Variants in CYP2B6 observed in about 807,000 individuals in gnomAD.
The protein encoded by CYP2B6 is cytochrome P450 2B6.
A neutral mutation model predicts 43.4 loss-of-function variants in CYP2B6; 35 were observed. That is an observed-to-expected ratio of 0.81 (90% CI 0.62 to 1.07). The LOEUF is 1.07. Among genes scored for constraint, CYP2B6 ranks in the 50% least tolerant of loss-of-function variants. The pLI is 0.00. For missense variants in CYP2B6, 624 were observed against 632.8 expected, an observed-to-expected ratio of 0.99 and a Z score of 0.15; for synonymous variants, 239 against 239.2, an observed-to-expected ratio of 1.00 and a Z score of 0.01.
At chr19:41,013,543 G>A (rs762800444) in intron 8 of CYP2B6, among the ~76,000 whole-genome samples, 2 of 152,172 alleles carry the variant, frequency 1.3e-5, no homozygotes, top group Non-Finnish European at 2.9e-5. Flanking sequence ...TGGCACCATT[G>A]AGAACCTATA....
Position 41,010,145 on chromosome 19 carries a change from G to C in CYP2B6, c.964+10G>C. 2 of 1,612,464 alleles carry C rather than the reference G, an allele frequency of 1.2e-6. No individual in the cohort carries two copies. Among genetic ancestry groups the C allele is most frequent in the Non-Finnish European group, 1.7e-6 (2 of 1,179,960 alleles). ...TACCCTCATGTTGCAGGTGGGCCAG[G>C]GACAGCCAGTCAAGGGGGTCTTCTG... is the stretch of plus-strand genomic sequence containing the variant. On this transcript the variant is annotated intron_variant, in intron 6 of 8. Transcript: ENST00000324071.
Position 41,015,124 on chromosome 19 carries a change from A to G in CYP2B6, c.1295-1522A>G, listed in dbSNP as rs143116023. ...GAAAAGCTGTGTCTGACAGGTATAG[A>G]CAGAGAAAAAGACAGGAGTAGGGCT... On this transcript the variant is annotated intron_variant, in intron 8 of 8. Transcript: ENST00000324071. 2.7e-3 allele frequency among the ~76,000 whole-genome samples: 404 copies of G among 152,322 alleles called. 3 individuals are homozygous for G. Among genetic ancestry groups the G allele is most frequent in the African/African-American group, 8.9e-3 (372 of 41,572 alleles).
At chr19:41,003,881 C>A (rs1568559759) in intron 1 of CYP2B6, 120 bp from the exon 2 acceptor site, 1 of 1,379,186 alleles carries the variant, frequency 7.3e-7, no homozygotes, top group African/African-American at 1.4e-5. Flanking sequence ...AAAGGGCAGC[C>A]TGGGGAGGCG....
intron 1 of CYP2B6, among the ~76,000 whole-genome samples, chr19:41,000,618 T>C (rs1969069018): frequency 6.6e-6 from 1 of 152,180 alleles, no homozygotes. Context: ...CGCAATCATG[T>C]GAATCAATGG....
In CYP2B6 at chr19:41,006,989, A is replaced by G; in HGVS notation, c.569A>G (p.Tyr190Cys). The G allele has an allele frequency of 6.2e-7, 1 of 1,613,978 alleles. No individual in the cohort carries two copies. Among genetic ancestry groups the G allele is most frequent in the Non-Finnish European group, 8.5e-7 (1 of 1,180,002 alleles). ...CSIVFGKRFH[Y>C]QDQEFLKMLN... is the part of the protein sequence containing the mutation. The stretch of plus-strand genomic sequence containing the variant: ...ATCGTCTTTGGAAAACGATTCCACT[A>G]CCAAGATCAAGAGTTCCTGAAGATG... The change falls in exon 4 of 9, where the codon TAC (tyrosine) becomes TGC (cysteine). Residue 190 changes from tyrosine to cysteine, a missense_variant. By Grantham distance (194) the Tyr-to-Cys change is radical (BLOSUM62 -2). Transcript: ENST00000324071.
At chr19:41,004,855 G>A (rs968379944) in intron 3 of CYP2B6, among the ~76,000 whole-genome samples, 2 of 151,934 alleles carry the variant, frequency 1.3e-5, no homozygotes, top group African/African-American at 4.8e-5. Context: ...AGCCACGCAT[G>A]GTGGTGTGTG....
chr19:41,009,565 T>G (rs978815477), intron 5 of CYP2B6, 170 bp downstream of exon 5: 7 of 745,988 alleles, frequency 9.4e-6, no homozygotes, highest in African/African-American at 3.7e-5. Context: ...GAAAGAAAGA[T>G]GAGGTGAAAG....
chr19:41,016,433 A>AAAAAAGAGAG (rs1568564700), intron 8 of CYP2B6, among the ~76,000 whole-genome samples: 16 of 98,980 alleles, frequency 1.6e-4, no homozygotes, highest in African/African-American at 6.7e-4. Flanking sequence ...AAAAAAAAAA[A>AAAAAAGAGAG]AGAGAGAGAG....
chr19:41,017,031 A>C lies in CYP2B6; in HGVS notation c.*204A>C. ...ATTATCGAAAATTATAATATACAAA[A>C]TCATATATATATATATGTTCTTGTT... On this transcript the variant is annotated 3_prime_UTR_variant, in exon 9 of 9. Transcript: ENST00000324071. 7.9e-6 allele frequency: 4 copies of C among 507,056 alleles called. No homozygotes were observed. Among genetic ancestry groups the C allele is most frequent in the Non-Finnish European group, 7.1e-6 (2 of 281,822 alleles). The allele number at this position is 507,056 out of a possible 1,614,324, so 31.4% of individuals were successfully genotyped here.
At chr19:41,014,386 A>T (rs1599853168) in intron 8 of CYP2B6, among the ~76,000 whole-genome samples, 1 of 151,356 alleles carries the variant, frequency 6.6e-6, no homozygotes, top group Admixed American at 6.6e-5. Context: ...GCTCACTGCA[A>T]CCTCTGCCTC....
chr19:41,006,946 G>A lies in CYP2B6; in HGVS notation c.526G>A (p.Ala176Thr), dbSNP rs766630605. 6 of 1,613,706 alleles carry A rather than the reference G, an allele frequency of 3.7e-6. No individual in the cohort carries two copies. Among genetic ancestry groups the A allele is most frequent in the African/African-American group, 2.7e-5 (2 of 74,774 alleles). The change falls in exon 4 of 9, where the codon GCC becomes ACC. Residue 176 changes from alanine to threonine, a missense_variant. Coordinates refer to ENST00000324071, the MANE Select transcript of CYP2B6 (RefSeq NM_000767.5). The part of the protein sequence containing the change: ...DPTFLFQSIT[A>T]NIICSIVFGK... ...CACCTTCCTCTTCCAGTCCATTACC[G>A]CCAACATCATCTGCTCCATCGTCTT...
intron 4 of CYP2B6, among the ~76,000 whole-genome samples, chr19:41,008,372 C>T (rs1969228098): frequency 7.0e-6 from 1 of 143,418 alleles, no homozygotes. Flanking sequence ...CCACCACACC[C>T]AGCTAATTTT....
chr19:40,997,622 C>T (rs756689320), intron 1 of CYP2B6, among the ~76,000 whole-genome samples: 2 of 152,080 alleles, frequency 1.3e-5, no homozygotes, highest in Non-Finnish European at 2.9e-5. Context: ...TTATCTTAGA[C>T]ACTTAGTCAA....
Position 41,017,741 on chromosome 19 carries a change from G to A in CYP2B6, c.*914G>A, listed in dbSNP as rs1352240347. ...CAACAAAACCCATACCTATCAAGCT[G>A]TCACTCCCCATACCCCATTCTCTTT... On this transcript the variant is annotated 3_prime_UTR_variant, in exon 9 of 9. Coordinates refer to ENST00000324071, the MANE Select transcript of CYP2B6 (RefSeq NM_000767.5). The A allele has an allele frequency of 3.3e-5, 5 of 152,102 alleles. No homozygotes were observed. In the East Asian group the frequency reaches 9.7e-4, roughly 29 times the overall value. 9.4% of individuals were successfully genotyped at this position (152,102 alleles called of 1,614,324 possible). A position where few individuals can be genotyped will look rare whatever the true frequency, so the allele number is the denominator to read the frequency against.
chr19:41,005,802 T>A (rs1254928747), intron 3 of CYP2B6, among the ~76,000 whole-genome samples: 5 of 149,962 alleles, frequency 3.3e-5, no homozygotes, highest in Non-Finnish European at 5.9e-5. Flanking sequence ...ATAATAATAA[T>A]AAAATAAAGA....
In CYP2B6 at chr19:41,007,077, G is replaced by T; in HGVS notation, c.645+12G>T. ...CTGTATTCGGCCAGGTCAGGGAGAC[G>T]GAGAGGGACAGGGGGTGTGGGGGTG... On this transcript the variant is annotated intron_variant, in intron 4 of 8. Coordinates refer to ENST00000324071, the MANE Select transcript of CYP2B6 (RefSeq NM_000767.5). 56 of 1,613,598 alleles carry T rather than the reference G, an allele frequency of 3.5e-5. No individual in the cohort carries two copies. The highest frequency in any genetic ancestry group is 4.7e-5 in the Non-Finnish European group (55 of 1,179,948).
At chr19:41,013,117 G>A in intron 8 of CYP2B6, 1 of 384,886 alleles carries the variant, frequency 2.6e-6, no homozygotes, top group South Asian at 2.5e-5. Flanking sequence ...GCCCAGTGCT[G>A]TACTGGGGGC....
In CYP2B6 at chr19:41,007,084, G is replaced by A. The variant is rs1215792341; in HGVS notation, c.645+19G>A. On this transcript the variant is annotated intron_variant, in intron 4 of 8. Coordinates refer to ENST00000324071, the MANE Select transcript of CYP2B6 (RefSeq NM_000767.5). ...CGGCCAGGTCAGGGAGACGGAGAGG[G>A]ACAGGGGGTGTGGGGGTGAGGTGAA... 1.2e-6 allele frequency: 2 copies of A among 1,613,888 alleles called. No homozygotes were observed. The highest frequency in any genetic ancestry group is 1.1e-5 in the South Asian group (1 of 91,048).
intron 7 of CYP2B6, 56 bp downstream of exon 7, chr19:41,012,541 A>G: frequency 1.2e-6 from 2 of 1,611,600 alleles, no homozygotes; most frequent in Non-Finnish European, 1.7e-6. Context: ...GATTCTCTTA[A>G]TCCCCGAACT....
Sources: gnomAD v4.1 joint callset for allele counts (sites outside exome capture counted in the v4.1 genomes callset) on GRCh38, gnomAD v4.1.1 for gene constraint, MANE v1.5 for transcripts, NCBI Gene and HGNC (gene_info 2026-07-23, HGNC 2026-07-21) for gene names.